Variants in RETN observed in about 807,000 individuals in gnomAD.
The protein encoded by RETN is resistin, also known as C/EBP-epsilon regulated myeloid-specific secreted cysteine-rich protein precursor 1.
In RETN, 5 loss-of-function variants were observed where a neutral mutation model predicts 6.1. The observed-to-expected ratio is 0.82, with a 90% CI of 0.43 to 1.73. RETN has a LOEUF of 1.73. Ranked by LOEUF, RETN falls within the 40% of genes most tolerant of loss-of-function variation. The pLI, the probability that RETN is intolerant of heterozygous loss-of-function variation, is 0.02. For missense variants in RETN, 168 were observed against 142.5 expected (o/e 1.18, Z -0.91); for synonymous variants, 62 against 59.2 (o/e 1.05, Z -0.22).
intron 2 of RETN, 49 bp downstream of exon 2, chr19:7,669,493 A>G (rs377353654): frequency 2.7e-5 from 36 of 1,312,618 alleles, no homozygotes; most frequent in African/African-American, 8.7e-5. Flanking sequence ...CAGAGACCTC[A>G]CTGATCCCTG....
In RETN at chr19:7,670,236, T is replaced by C; in HGVS notation, c.214T>C (p.Cys72Arg). 1 of 1,601,808 alleles carries C rather than the reference T, an allele frequency of 6.2e-7. No individual in the cohort carries two copies. The highest frequency in any genetic ancestry group is 8.5e-7 in the Non-Finnish European group (1 of 1,177,270). ...GGCTGCAGGCTTCGCCGTCACCGGCTGCACTTGTGGCTCCGCCTGTGGCTC... is the reference window on the plus strand; with the variant it reads ...GGCTGCAGGCTTCGCCGTCACCGGCCGCACTTGTGGCTCCGCCTGTGGCTC... ...TCPRGFAVTGCTCGSACGSWD... is the reference protein window; with the variant it reads ...TCPRGFAVTGRTCGSACGSWD... Residue 72 changes from cysteine to arginine, a missense_variant, in exon 4 of 4, where the codon TGC becomes CGC. By Grantham distance (180) the Cys-to-Arg change is radical (BLOSUM62 -3). Coordinates refer to ENST00000221515, the MANE Select transcript of RETN (RefSeq NM_020415.4).
At chr19:7,669,675 A>T in intron 2 of RETN, 146 bp from the exon 3 acceptor site, 1 of 779,360 alleles carries the variant, frequency 1.3e-6, no homozygotes, top group South Asian at 1.5e-5. Context: ...TTACTCCAAA[A>T]CACCCAACTC....
At chr19:7,669,487 G>C (rs1268053087) in intron 2 of RETN, 43 bp downstream of exon 2, 6 of 1,348,956 alleles carry the variant, frequency 4.4e-6, no homozygotes, top group Non-Finnish European at 6.4e-6. Context: ...GGGTCTCAGA[G>C]ACCTCACTGA....
chr19:7,669,767 G>A (rs991142560), intron 2 of RETN, 54 bp from the exon 3 acceptor site: 68 of 1,521,010 alleles, frequency 4.5e-5, no homozygotes, highest in Non-Finnish European at 6.1e-5. Flanking sequence ...GAGGATGGGG[G>A]AGGGACCGTT....
chr19:7,669,088 G>T lies in RETN; in HGVS notation c.-44G>T, dbSNP rs1267100175. On this transcript the variant is annotated 5_prime_UTR_variant, in exon 1 of 4. Transcript: ENST00000221515. ...AAAGAGCTGCGGTGCAGGAATTCGT[G>T]TGCCGGATTTGGTTAGCTGAGCCCA... 1 of 513,386 alleles carries T rather than the reference G, an allele frequency of 1.9e-6. No homozygotes were observed. The highest frequency in any genetic ancestry group is 3.5e-6 in the Non-Finnish European group (1 of 282,788). The allele number at this position is 513,386 out of a possible 1,614,324, so 31.8% of individuals were successfully genotyped here. A position where few individuals can be genotyped will look rare whatever the true frequency, so the allele number is the denominator to read the frequency against.
At position 7,669,810 on chromosome 19, in the gene RETN, C is replaced by A; in HGVS notation, c.119-11C>A. 1.2e-6 allele frequency: 2 copies of A among 1,613,472 alleles called. No individual in the cohort carries two copies. The highest frequency in any genetic ancestry group is 1.7e-6 in the Non-Finnish European group (2 of 1,179,442). On this transcript the variant is annotated splice_polypyrimidine_tract_variant and intron_variant, in intron 2 of 3. Coordinates refer to ENST00000221515, the MANE Select transcript of RETN (RefSeq NM_020415.4). ...ACAGCTCCCCCTGTCTCCTTTCCTCCTGCCCCCCAGTATTTAGGGCAATAA... is the reference window on the plus strand; with the variant it reads ...ACAGCTCCCCCTGTCTCCTTTCCTCATGCCCCCCAGTATTTAGGGCAATAA...
In RETN at chr19:7,669,378, A is replaced by G. The variant is rs762212363; in HGVS notation, c.52A>G (p.Ser18Gly). The G allele has an allele frequency of 1.2e-6, 2 of 1,613,954 alleles. No homozygotes were observed. Among genetic ancestry groups the G allele is most frequent in the South Asian group, 1.1e-5 (1 of 91,070 alleles). The change falls in exon 2 of 4, where the codon AGC becomes GGC. Residue 18 changes from serine to glycine, a missense_variant. Physicochemically the swap from Ser to Gly is moderately conservative, Grantham distance 56. Coordinates refer to ENST00000221515, the MANE Select transcript of RETN (RefSeq NM_020415.4). Reference protein sequence around the residue: ...LLPVLGLLVSSKTLCSMEEAI... With the variant: ...LLPVLGLLVSGKTLCSMEEAI... ...CCCTGTCCTGGGGCTGTTGGTGTCT[A>G]GCAAGACCCTGTGCTCCATGGAAGA...
At chr19:7,669,511 C>T (rs973652867) in intron 2 of RETN, 67 bp downstream of exon 2, 2 of 1,149,878 alleles carry the variant, frequency 1.7e-6, no homozygotes, top group Non-Finnish European at 1.3e-6. Context: ...CTGGCACAGA[C>T]CTGACTCCAA....
At position 7,670,258 on chromosome 19, in the gene RETN, G is replaced by T. The variant is rs1172856254; in HGVS notation, c.236G>T (p.Gly79Val). 6.3e-7 allele frequency: 1 copy of T among 1,598,858 alleles called. No individual in the cohort carries two copies. Among genetic ancestry groups the T allele is most frequent in the Non-Finnish European group, 8.5e-7 (1 of 1,177,290 alleles). The change falls in exon 4 of 4, where the codon GGC becomes GTC. Residue 79 changes from glycine to valine, a missense_variant. Coordinates refer to ENST00000221515, the MANE Select transcript of RETN (RefSeq NM_020415.4). ...VTGCTCGSAC[G>V]SWDVRAETTC... Reference sequence around the variant, plus strand: ...GGCTGCACTTGTGGCTCCGCCTGTGGCTCGTGGGATGTGCGCGCCGAGACC... The same window carrying T: ...GGCTGCACTTGTGGCTCCGCCTGTGTCTCGTGGGATGTGCGCGCCGAGACC...
Position 7,669,774 on chromosome 19 carries a change from C to A in RETN, c.119-47C>A, listed in dbSNP as rs777733528. On this transcript the variant is annotated intron_variant, in intron 2 of 3. Coordinates refer to ENST00000221515, the MANE Select transcript of RETN (RefSeq NM_020415.4). The stretch of plus-strand genomic sequence containing the variant: ...GGCTAGGGGAGGATGGGGGAGGGAC[C>A]GTTTGGTCTCACAGCTCCCCCTGTC... The A allele has an allele frequency of 1.4e-5, 22 of 1,546,038 alleles. No homozygotes were observed. The Admixed American group carries it at 2.0e-4, about 14-fold the overall frequency.
intron 1 of RETN, 96 bp from the exon 2 acceptor site, chr19:7,669,221 C>T: frequency 1.2e-6 from 1 of 850,810 alleles, no homozygotes; most frequent in Non-Finnish European, 2.0e-6. Context: ...GGACAGGGGT[C>T]CAGGTCCAGG....
chr19:7,669,230 G>A (rs774967076), intron 1 of RETN, 87 bp from the exon 2 acceptor site: 12 of 932,240 alleles, frequency 1.3e-5, no homozygotes, highest in Non-Finnish European at 1.8e-5. Context: ...TCCAGGTCCA[G>A]GGGCAGATCC....
Position 7,669,300 on chromosome 19 carries a change from T to G in RETN, c.-10-17T>G. The stretch of plus-strand genomic sequence containing the variant: ...CAGGGCTGATCCAGCTGTGGGTCTC[T>G]TGGTTCCCTCTTTCAGCGCCTGCAG... On this transcript the variant is annotated splice_polypyrimidine_tract_variant and intron_variant, in intron 1 of 3. Transcript: ENST00000221515. 6.4e-7 allele frequency: 1 copy of G among 1,572,368 alleles called. No homozygotes were observed. Among genetic ancestry groups the G allele is most frequent in the South Asian group, 1.1e-5 (1 of 90,194 alleles).
chr19:7,669,319 C>G lies in RETN; in HGVS notation c.-8C>G, dbSNP rs367742886. On this transcript the variant is annotated splice_region_variant and 5_prime_UTR_variant, in exon 2 of 4. Coordinates refer to ENST00000221515, the MANE Select transcript of RETN (RefSeq NM_020415.4). ...GGTCTCTTGGTTCCCTCTTTCAGCG[C>G]CTGCAGGATGAAAGCTCTCTGTCTC... 6 of 1,605,068 alleles carry G rather than the reference C, an allele frequency of 3.7e-6. No homozygotes were observed. The African/African-American group carries it at 8.0e-5, about 21-fold the overall frequency.
At chr19:7,669,790 T>TC (rs763785072) in intron 2 of RETN, 31 bp from the exon 3 acceptor site, 2 of 1,600,476 alleles carry the variant, frequency 1.2e-6, no homozygotes, top group Non-Finnish European at 1.7e-6. Context: ...GTCTCACAGC[T>TC]CCCCCTGTCT....
chr19:7,670,391 C>T lies in RETN; in HGVS notation c.*42C>T, dbSNP rs1163465919. On this transcript the variant is annotated 3_prime_UTR_variant, in exon 4 of 4. Coordinates refer to ENST00000221515, the MANE Select transcript of RETN (RefSeq NM_020415.4). Reference sequence around the variant, plus strand: ...TGCACAGCGCGGGCGGAGGCGGCTCCAGGTCCGGAGGGGTTGCGGGGGAGC... The same window carrying T: ...TGCACAGCGCGGGCGGAGGCGGCTCTAGGTCCGGAGGGGTTGCGGGGGAGC... 1.3e-6 allele frequency: 2 copies of T among 1,528,562 alleles called. No individual in the cohort carries two copies. The highest frequency in any genetic ancestry group is 2.0e-5 in the Admixed American group (1 of 50,292). The allele number at this position is 1,528,562 out of a possible 1,614,324, so 94.7% of individuals were successfully genotyped here. A position where few individuals can be genotyped will look rare whatever the true frequency, so the allele number is the denominator to read the frequency against.
At position 7,669,456 on chromosome 19, in the gene RETN, C is replaced by A; in HGVS notation, c.118+12C>A. 6.3e-7 allele frequency: 1 copy of A among 1,583,562 alleles called. No homozygotes were observed. The highest frequency in any genetic ancestry group is 1.1e-5 in the South Asian group (1 of 90,526). Reference sequence around the variant, plus strand: ...CGCCGGCTCCCTAAGTGAGGACCCCCCACTTGGGCAAGCTCCCCAAGGGTC... The same window carrying A: ...CGCCGGCTCCCTAAGTGAGGACCCCACACTTGGGCAAGCTCCCCAAGGGTC... On this transcript the variant is annotated intron_variant, in intron 2 of 3. Transcript: ENST00000221515.
chr19:7,670,012 C>A, intron 3 of RETN, 114 bp downstream of exon 3: 1 of 988,842 alleles, frequency 1.0e-6, no homozygotes, highest in South Asian at 1.4e-5. Flanking sequence ...GATCTTGGTC[C>A]TGACTCCCAG....
chr19:7,670,371 A>C lies in RETN; in HGVS notation c.*22A>C. On this transcript the variant is annotated 3_prime_UTR_variant, in exon 4 of 4. Transcript: ENST00000221515. ...CTGAGGTCGCGCGCAGCGCGTGCACAGCGCGGGCGGAGGCGGCTCCAGGTC... is the reference window on the plus strand; with the variant it reads ...CTGAGGTCGCGCGCAGCGCGTGCACCGCGCGGGCGGAGGCGGCTCCAGGTC... 1 of 1,537,586 alleles carries C rather than the reference A, an allele frequency of 6.5e-7. No homozygotes were observed.
Sources: gnomAD v4.1 joint callset for allele counts on GRCh38, gnomAD v4.1.1 for gene constraint, MANE v1.5 for transcripts, NCBI Gene and HGNC (gene_info 2026-07-23, HGNC 2026-07-21) for gene names.